LARGE1: variants seen among roughly 807,000 people sequenced by gnomAD.
The protein encoded by LARGE1 is LARGE xylosyl- and glucuronyltransferase 1.
LARGE1 carries 43 observed loss-of-function variants against 87.6 expected under a neutral mutation model. The ratio of observed to expected loss-of-function variants is 0.49; its 90% CI spans 0.38 to 0.63. The LOEUF (loss-of-function observed/expected upper bound fraction) is 0.63, where lower values mean the gene tolerates loss of function less well. Among genes scored for constraint, LARGE1 ranks in the 30% least tolerant of loss-of-function variants. The pLI is 0.00. For synonymous variants in LARGE1, 434 were observed against 394.6 expected (o/e 1.10, Z -1.18); for missense variants, 802 against 1,000.2 (o/e 0.80, Z 2.67).
intron 2 of LARGE1, among the ~76,000 whole-genome samples, chr22:33,692,348 T>C (rs1374012888): frequency 6.6e-6 from 1 of 152,204 alleles, no homozygotes; most frequent in Non-Finnish European, 1.5e-5. Context: ...TTTTGCTCTG[T>C]CACCCAGGCT....
chr22:33,591,148 C>T (rs1268216308), intron 5 of LARGE1, among the ~76,000 whole-genome samples: 2 of 152,210 alleles, frequency 1.3e-5, no homozygotes, highest in African/African-American at 4.8e-5. Flanking sequence ...TTGCAGTGAG[C>T]CAAGATGGGG....
At chr22:33,469,826 T>TTAAAAAC (rs1197214799) in intron 6 of LARGE1, among the ~76,000 whole-genome samples, 1 of 102,894 alleles carries the variant, frequency 9.7e-6, no homozygotes, top group Non-Finnish European at 2.0e-5. Context: ...AGACTCCATC[T>TTAAAAAC]TAAAAACAAA....
At chr22:33,630,497 A>G (rs1197704697) in intron 3 of LARGE1, among the ~76,000 whole-genome samples, 1 of 152,236 alleles carries the variant, frequency 6.6e-6, no homozygotes, top group Non-Finnish European at 1.5e-5. Flanking sequence ...ACAAACCTGT[A>G]TACATGATAC....
At chr22:33,661,523 A>ATT (rs577392764) in intron 2 of LARGE1, among the ~76,000 whole-genome samples, 10 of 146,852 alleles carry the variant, frequency 6.8e-5, no homozygotes, top group African/African-American at 2.2e-4. Flanking sequence ...CATTTCTGTG[A>ATT]TTTTTTTTTT....
chr22:33,842,412 G>A (rs918002081), intron 1 of LARGE1, among the ~76,000 whole-genome samples: 2 of 142,176 alleles, frequency 1.4e-5, no homozygotes, highest in Non-Finnish European at 3.1e-5. Context: ...ATATTTCTTC[G>A]GATTTTTATA....
At chr22:33,317,931 T>C (rs755556919) in intron 10 of LARGE1, among the ~76,000 whole-genome samples, 45 of 151,978 alleles carry the variant, frequency 3.0e-4, no homozygotes, top group East Asian at 1.4e-3. Flanking sequence ...TTCAACAAAC[T>C]GTGCACTTAG....
chr22:33,751,598 T>G (rs906208662), intron 2 of LARGE1, among the ~76,000 whole-genome samples: 1 of 152,200 alleles, frequency 6.6e-6, no homozygotes, highest in Non-Finnish European at 1.5e-5. Flanking sequence ...CTACCAGAGT[T>G]AACCACCATC....
intron 11 of LARGE1, among the ~76,000 whole-genome samples, chr22:33,250,156 T>C (rs1926947510): frequency 6.6e-6 from 1 of 152,232 alleles, no homozygotes; most frequent in Admixed American, 6.5e-5. Context: ...ATTGTCTTCC[T>C]ATTCATGTAC....
chr22:33,712,147 G>A (rs998273551), intron 2 of LARGE1, among the ~76,000 whole-genome samples: 6 of 152,110 alleles, frequency 3.9e-5, no homozygotes, highest in Admixed American at 3.9e-4. Flanking sequence ...ACCCCAGGAA[G>A]TTTGAGTCTG....
chr22:33,570,810 G>T (rs1246488891), intron 5 of LARGE1, among the ~76,000 whole-genome samples: 1 of 152,078 alleles, frequency 6.6e-6, no homozygotes, highest in Non-Finnish European at 1.5e-5. Context: ...GTCTCTCCAT[G>T]CAATCCACAC....
chr22:33,428,138 C>A (rs915513341), intron 7 of LARGE1, among the ~76,000 whole-genome samples: 1 of 152,122 alleles, frequency 6.6e-6, no homozygotes, highest in African/African-American at 2.4e-5. Flanking sequence ...CCCAGTCAAT[C>A]ACATAACCTC....
intron 6 of LARGE1, among the ~76,000 whole-genome samples, chr22:33,517,485 G>A (rs928184119): frequency 6.6e-6 from 1 of 152,158 alleles, no homozygotes; most frequent in Admixed American, 6.5e-5. Context: ...GTTCAAGCGC[G>A]ATTCTCCTGC....
chr22:33,571,535 A>G (rs763721413), intron 5 of LARGE1, among the ~76,000 whole-genome samples: 21 of 149,916 alleles, frequency 1.4e-4, no homozygotes, highest in Non-Finnish European at 2.6e-4. Flanking sequence ...AGGGAAAAAC[A>G]GGAAAAGAGA....
At chr22:33,090,512 G>A in the LARGE1 span, among the ~76,000 whole-genome samples, 1 of 152,238 alleles carries the variant, frequency 6.6e-6, no homozygotes, top group East Asian at 1.9e-4. Context: ...GAGGTGCCTG[G>A]CAGAGAGAGT....
chr22:33,196,472 CAT>C (rs574779161), intron 11 of LARGE1, among the ~76,000 whole-genome samples: 90 of 152,150 alleles, frequency 5.9e-4, no homozygotes, highest in African/African-American at 2.0e-3. Flanking sequence ...TCTAAACAAA[CAT>C]ATGTCTATTA....
At position 33,751,155 on chromosome 22, in the gene LARGE1, G is replaced by A. The variant is rs2084300474; in HGVS notation, c.106+10216C>T. On this transcript the variant is annotated intron_variant, in intron 2 of 14. Coordinates refer to ENST00000397394, the MANE Select transcript of LARGE1 (RefSeq NM_133642.5). ...AATACTTAGTGAATTATCATAAAGT[G>A]AGCCCAGCTATATAGTCATCACACA... Among the ~76,000 whole-genome samples, 3 of 152,098 alleles carry A rather than the reference G, an allele frequency of 2.0e-5. No homozygotes were observed. The South Asian group carries it at 6.2e-4, about 31-fold the overall frequency.
chr22:33,489,246 C>T (rs909847720), intron 6 of LARGE1, among the ~76,000 whole-genome samples: 1 of 152,206 alleles, frequency 6.6e-6, no homozygotes, highest in Non-Finnish European at 1.5e-5. Context: ...ACGAAGATCA[C>T]AAAATGTGTG....
intron 13 of LARGE1, among the ~76,000 whole-genome samples, chr22:33,278,112 T>C (rs1161469052): frequency 6.6e-6 from 1 of 152,202 alleles, no homozygotes; most frequent in Admixed American, 6.5e-5. Context: ...GATGATTGAA[T>C]CATGTGACCC....
chr22:33,166,856 AG>A (rs1199236237), intron 11 of LARGE1: 3 of 471,188 alleles, frequency 6.4e-6, no homozygotes, highest in South Asian at 1.5e-5. Flanking sequence ...AGAATGAGAA[AG>A]GGTTGATTCA....
Sources: gnomAD v4.1 joint callset for allele counts (sites outside exome capture counted in the v4.1 genomes callset) on GRCh38, gnomAD v4.1.1 for gene constraint, MANE v1.5 for transcripts, NCBI Gene and HGNC (gene_info 2026-07-23, HGNC 2026-07-21) for gene names.